The following RNGTT variants were observed in gnomAD, a reference collection of about 807,000 sequenced individuals.
RNGTT encodes the protein RNA guanylyltransferase and 5'-phosphatase.
RNGTT carries 33 observed loss-of-function variants against 79.3 expected under a neutral mutation model. The observed-to-expected ratio is 0.42, with a 90% CI of 0.32 to 0.56. The LOEUF is 0.56. RNGTT is among the 20% of genes least tolerant of loss of function. The pLI, the probability that RNGTT is intolerant of heterozygous loss-of-function variation, is 0.17. For synonymous variants in RNGTT, 222 were observed against 235.9 expected, an observed-to-expected ratio of 0.94 and a Z score of 0.54; for missense variants, 497 against 739.1, an observed-to-expected ratio of 0.67 and a Z score of 3.80.
chr6:88,961,405 C>A (rs946951103), intron 1 of RNGTT, among the ~76,000 whole-genome samples: 1 of 151,826 alleles, frequency 6.6e-6, no homozygotes, highest in Non-Finnish European at 1.5e-5. Context: ...CTCTAGAGAA[C>A]CCTTACTAAT....
At chr6:88,682,537 T>A (rs1189390025) in intron 13 of RNGTT, among the ~76,000 whole-genome samples, 1 of 152,246 alleles carries the variant, frequency 6.6e-6, no homozygotes, top group Admixed American at 6.5e-5. Context: ...TCTAGTGGGA[T>A]GTAAATTTAA....
intron 12 of RNGTT, among the ~76,000 whole-genome samples, chr6:88,800,857 G>A (rs969267689): frequency 6.6e-6 from 1 of 152,150 alleles, no homozygotes; most frequent in Non-Finnish European, 1.5e-5. Flanking sequence ...TCACAAATGG[G>A]AATAGGGAGC....
intron 2 of RNGTT, among the ~76,000 whole-genome samples, chr6:88,931,187 T>TAAAAAAAAAAAAAAAAAAAAAAA (rs34070183): frequency 2.0e-5 from 2 of 101,936 alleles, no homozygotes; most frequent in African/African-American, 7.6e-5. Context: ...TATAAAGCTG[T>TAAAAAAAAAAAAAAAAAAAAAAA]AAAAAAAAAA....
chr6:88,904,653 A>C, intron 6 of RNGTT, 62 bp downstream of exon 6: 1 of 1,483,290 alleles, frequency 6.7e-7, no homozygotes, highest in Non-Finnish European at 9.1e-7. Context: ...CATTTTTATA[A>C]ATCTCAATAA....
intron 13 of RNGTT, among the ~76,000 whole-genome samples, chr6:88,764,043 A>G (rs1778362468): frequency 1.3e-5 from 2 of 152,140 alleles, no homozygotes; most frequent in Non-Finnish European, 2.9e-5. Flanking sequence ...CCTTCCTCCA[A>G]GATCTTGTGG....
chr6:88,630,650 T>G (rs1383331198), intron 14 of RNGTT, among the ~76,000 whole-genome samples: 2 of 151,828 alleles, frequency 1.3e-5, no homozygotes, highest in Non-Finnish European at 2.9e-5. Context: ...AGCTCTGAGT[T>G]AAACAGGCCA....
At chr6:88,904,220 C>A (rs2127942209) in intron 6 of RNGTT, among the ~76,000 whole-genome samples, 1 of 152,036 alleles carries the variant, frequency 6.6e-6, no homozygotes, top group East Asian at 1.9e-4. Flanking sequence ...GAAACAAAAA[C>A]AGGAAAAATT....
At chr6:88,731,291 A>C (rs1777106908) in intron 13 of RNGTT, among the ~76,000 whole-genome samples, 1 of 152,208 alleles carries the variant, frequency 6.6e-6, no homozygotes, top group Non-Finnish European at 1.5e-5. Context: ...AGAAACCTCA[A>C]ACTAAAGGCC....
intron 13 of RNGTT, among the ~76,000 whole-genome samples, chr6:88,720,026 G>A (rs1403109021): frequency 2.0e-5 from 3 of 152,240 alleles, no homozygotes; most frequent in Non-Finnish European, 4.4e-5. Flanking sequence ...TGTGGCTAGC[G>A]GTTTAGAGGA....
intron 8 of RNGTT, among the ~76,000 whole-genome samples, chr6:88,854,211 T>C (rs1383633925): frequency 6.6e-6 from 1 of 152,168 alleles, no homozygotes; most frequent in East Asian, 1.9e-4. Flanking sequence ...ATTACAGCGA[T>C]GAGCCACCAC....
rs774115685 is a variant in RNGTT at position 88,963,392 on chromosome 6, G to A, written c.18C>T (p.Ile6=). 5.6e-6 allele frequency: 9 copies of A among 1,609,154 alleles called. No individual in the cohort carries two copies. The highest frequency in any genetic ancestry group is 5.4e-5 in the African/African-American group (4 of 74,638). The change falls in exon 1 of 16, where the codon ATC becomes ATT. Residue 6 remains isoleucine (I), a synonymous_variant. Transcript: ENST00000369485. ...GGGGACAGTTCAGCCACCGCGGCGG[G>A]ATCTTGTTGTGAGCCATGTCTTGGG... is the stretch of plus-strand genomic sequence containing the variant. MAHNK[I]PPRWLNCPRR...
At chr6:88,676,385 C>A (rs1590253) in intron 14 of RNGTT, among the ~76,000 whole-genome samples, 39,276 of 149,514 alleles carry the variant, frequency 0.26, 8,765 homozygotes, top group African/African-American at 0.62. Context: ...AAAAAGATGA[C>A]AAAAAAAAAG....
At chr6:88,849,975 A>G (rs1781617861) in intron 9 of RNGTT, 149 bp from the exon 10 acceptor site, 2 of 656,946 alleles carry the variant, frequency 3.0e-6, no homozygotes. Context: ...TACCCAGATC[A>G]TATCAATAAA....
chr6:88,943,162 C>G (rs1379782205), intron 1 of RNGTT, among the ~76,000 whole-genome samples: 1 of 152,184 alleles, frequency 6.6e-6, no homozygotes, highest in Non-Finnish European at 1.5e-5. Context: ...ACTCCCTTAA[C>G]TCTAGATGGA....
At chr6:88,916,439 T>C (rs900848115) in intron 4 of RNGTT, among the ~76,000 whole-genome samples, 35 of 152,164 alleles carry the variant, frequency 2.3e-4, no homozygotes, top group African/African-American at 8.4e-4. Context: ...CGTCACTACA[T>C]TCCTGCCTGG....
intron 13 of RNGTT, among the ~76,000 whole-genome samples, chr6:88,762,302 A>G (rs1484698703): frequency 6.6e-6 from 1 of 152,212 alleles, no homozygotes; most frequent in Non-Finnish European, 1.5e-5. Context: ...GGAAAGGCCA[A>G]ATAAAAGCCC....
intron 14 of RNGTT, among the ~76,000 whole-genome samples, chr6:88,653,614 AAC>A (rs1773874068): frequency 6.6e-6 from 1 of 152,198 alleles, no homozygotes; most frequent in African/African-American, 2.4e-5. Context: ...CCCAAGATGT[AAC>A]AGAGATTAGA....
intron 8 of RNGTT, among the ~76,000 whole-genome samples, chr6:88,871,940 T>C (rs1427967811): frequency 6.6e-6 from 1 of 152,134 alleles, no homozygotes; most frequent in African/African-American, 2.4e-5. Context: ...CTCCTATTTG[T>C]TCCTCTAAAA....
chr6:88,897,046 C>A (rs1242834454), intron 6 of RNGTT, among the ~76,000 whole-genome samples: 1 of 152,174 alleles, frequency 6.6e-6, no homozygotes, highest in East Asian at 1.9e-4. Context: ...ACTAACATGT[C>A]ACTATAAACT....
Sources: allele counts gnomAD v4.1 joint callset (sites outside exome capture counted in the v4.1 genomes callset), GRCh38; gene constraint gnomAD v4.1.1; transcripts MANE v1.5; gene names NCBI Gene and HGNC (gene_info 2026-07-23, HGNC 2026-07-21).